GORASP2: variants seen among roughly 807,000 people sequenced by gnomAD.
GORASP2 encodes the protein golgi reassembly stacking protein 2, also known as Golgi reassembly-stacking protein 2.
GORASP2 carries 22 observed loss-of-function variants against 45.7 expected under a neutral mutation model. The observed-to-expected ratio is 0.48, with a 90% CI of 0.34 to 0.69. The LOEUF (loss-of-function observed/expected upper bound fraction) is 0.69, where lower values mean the gene tolerates loss of function less well. GORASP2 is among the 30% of genes least tolerant of loss of function. GORASP2 has a pLI of 0.01. For missense variants in GORASP2, 491 were observed against 562.7 expected (o/e 0.87, Z 1.29); for synonymous variants, 221 against 215.6 (o/e 1.02, Z -0.22).
At chr2:170,942,567 C>G (rs1053361166) in intron 1 of GORASP2, among the ~76,000 whole-genome samples, 17 of 152,266 alleles carry the variant, frequency 1.1e-4, no homozygotes, top group South Asian at 6.2e-4. Flanking sequence ...TTCATCCTTT[C>G]TTATGGGTAT....
intron 1 of GORASP2, among the ~76,000 whole-genome samples, chr2:170,940,995 A>G (rs1338067297): frequency 6.6e-6 from 1 of 152,174 alleles, no homozygotes; most frequent in Non-Finnish European, 1.5e-5. Context: ...ATTTCTTTTT[A>G]TGTAATAGAG....
chr2:170,951,193 T>C, intron 4 of GORASP2, 135 bp from the exon 5 acceptor site: 1 of 625,738 alleles, frequency 1.6e-6, no homozygotes, highest in East Asian at 2.9e-5. Context: ...CTGCTTGTGA[T>C]TTTTATGTCT....
chr2:170,932,417 T>G (rs191195424), intron 1 of GORASP2, among the ~76,000 whole-genome samples: 185 of 152,316 alleles, frequency 1.2e-3, no homozygotes, highest in Non-Finnish European at 2.0e-3. Context: ...TACCATAGAT[T>G]GGTTAAGGAG....
Position 170,929,393 on chromosome 2 carries a change from A to T in GORASP2, c.53A>T (p.His18Leu). 3 of 1,419,086 alleles carry T rather than the reference A, an allele frequency of 2.1e-6. No individual in the cohort carries two copies. Among genetic ancestry groups the T allele is most frequent in the Non-Finnish European group, 2.8e-6 (3 of 1,084,874 alleles). The allele number at this position is 1,419,086 out of a possible 1,614,324, so 87.9% of individuals were successfully genotyped here. Reference sequence around the variant, plus strand: ...CCGGGCGGGGGCACCGAGGGCTACCACGTTCTGCGGGTAAGGGCTCCGACG... The same window carrying T: ...CCGGGCGGGGGCACCGAGGGCTACCTCGTTCTGCGGGTAAGGGCTCCGACG... ...EIPGGGTEGYHVLRVQENSPG... is the reference protein window; with the variant it reads ...EIPGGGTEGYLVLRVQENSPG... The change falls in exon 1 of 10, where the codon CAC becomes CTC. Residue 18 changes from histidine (H) to leucine (L), a missense_variant. Coordinates refer to ENST00000234160, the MANE Select transcript of GORASP2 (RefSeq NM_015530.5).
rs753688935 is a variant in GORASP2 at position 170,950,291 on chromosome 2, G to C, written c.435+1G>C. ...TGGAGCAGATACAGTCATGAATGAG[G>C]TAATTCGTGTGTTTATTCATAGTGA... is the stretch of plus-strand genomic sequence containing the variant. On this transcript the variant is annotated splice_donor_variant, in intron 4 of 9. Transcript: ENST00000234160. LOFTEE classifies it high-confidence loss of function. The C allele has an allele frequency of 6.9e-7, 1 of 1,446,452 alleles. No individual in the cohort carries two copies. The highest frequency in any genetic ancestry group is 9.5e-7 in the Non-Finnish European group (1 of 1,048,558). 89.6% of individuals were successfully genotyped at this position (1,446,452 alleles called of 1,614,324 possible). A position where few individuals can be genotyped will look rare whatever the true frequency, so the allele number is the denominator to read the frequency against.
At chr2:170,963,051 G>A in intron 9 of GORASP2, 105 bp downstream of exon 9, 1 of 730,144 alleles carries the variant, frequency 1.4e-6, no homozygotes, top group East Asian at 2.7e-5. Flanking sequence ...CAGTTTAACA[G>A]ATTTCAGCTA....
At chr2:170,951,256 A>G (rs958551120) in intron 4 of GORASP2, 72 bp from the exon 5 acceptor site, 27 of 1,202,436 alleles carry the variant, frequency 2.2e-5, no homozygotes, top group Middle Eastern at 2.0e-4. Context: ...GGTGATTCTG[A>G]TAGCCAGGTT....
Position 170,929,319 on chromosome 2 carries a change from G to A in GORASP2, c.-22G>A. On this transcript the variant is annotated 5_prime_UTR_variant, in exon 1 of 10. Coordinates refer to ENST00000234160, the MANE Select transcript of GORASP2 (RefSeq NM_015530.5). ...CGGGAGCAGCGCGGAGCCCGGCTCG[G>A]CCACACCGATCGCCCGCCGCCATGG... 7.4e-7 allele frequency: 1 copy of A among 1,356,628 alleles called. No homozygotes were observed. The highest frequency in any genetic ancestry group is 9.5e-7 in the Non-Finnish European group (1 of 1,056,466). The allele number at this position is 1,356,628 out of a possible 1,614,324, so 84.0% of individuals were successfully genotyped here.
chr2:170,950,564 A>C (rs1283548343), intron 4 of GORASP2, among the ~76,000 whole-genome samples: 1 of 152,272 alleles, frequency 6.6e-6, no homozygotes, highest in South Asian at 2.1e-4. Context: ...TCAAATTCTC[A>C]TTTTCAATTG....
chr2:170,953,668 A>G (rs1388998052), intron 5 of GORASP2: 1 of 152,264 alleles, frequency 6.6e-6, no homozygotes, highest in Non-Finnish European at 1.5e-5. Context: ...GGTAAAAACT[A>G]GCTGTCACCA....
rs780797971 is a variant in GORASP2 at position 170,966,103 on chromosome 2, G to A, written c.1332G>A (p.Val444=). 3.1e-6 allele frequency: 5 copies of A among 1,613,644 alleles called. No homozygotes were observed. The highest frequency in any genetic ancestry group is 4.2e-6 in the Non-Finnish European group (5 of 1,179,558). ...PVSEKPVSAA[V]DANASESP ...GCGAGAAGCCTGTTTCTGCGGCTGTGGATGCCAATGCTTCTGAGTCACCTT... is the reference window on the plus strand; with the variant it reads ...GCGAGAAGCCTGTTTCTGCGGCTGTAGATGCCAATGCTTCTGAGTCACCTT... The change falls in exon 10 of 10, where the codon GTG becomes GTA. Residue 444 remains valine, a synonymous_variant. Transcript: ENST00000234160.
intron 1 of GORASP2, among the ~76,000 whole-genome samples, chr2:170,947,549 A>G (rs994006835): frequency 8.5e-5 from 13 of 152,170 alleles, no homozygotes; most frequent in Non-Finnish European, 1.6e-4. Context: ...TTTACATTAT[A>G]GTGATTAGAG....
chr2:170,951,337 C>T lies in GORASP2; in HGVS notation c.445C>T (p.Leu149=). Residue 149 remains leucine, a synonymous_variant, in exon 5 of 10, where the codon CTA becomes TTA. Coordinates refer to ENST00000234160, the MANE Select transcript of GORASP2 (RefSeq NM_015530.5). ...ADTVMNESED[L]FSLIETHEAK... ...TGTGACACTTTTGCAGTCTGAAGAT[C>T]TATTCAGCCTTATCGAAACACATGA... The T allele has an allele frequency of 6.3e-7, 1 of 1,599,346 alleles. No homozygotes were observed. Among genetic ancestry groups the T allele is most frequent in the South Asian group, 1.1e-5 (1 of 88,316 alleles).
chr2:170,955,167 C>T (rs1479950186), intron 6 of GORASP2, among the ~76,000 whole-genome samples: 1 of 151,864 alleles, frequency 6.6e-6, no homozygotes, highest in East Asian at 1.9e-4. Flanking sequence ...TTCAAGAAAT[C>T]GAACACAGTC....
At chr2:170,938,898 C>T (rs1396184494) in intron 1 of GORASP2, among the ~76,000 whole-genome samples, 1 of 152,138 alleles carries the variant, frequency 6.6e-6, no homozygotes, top group South Asian at 2.1e-4. Context: ...GAGGCTGAGG[C>T]AGGAGAATTA....
chr2:170,936,610 T>G (rs1159627632), intron 1 of GORASP2: 1 of 1,293,078 alleles, frequency 7.7e-7, no homozygotes, highest in East Asian at 5.6e-5. Context: ...TGGGGTTTTG[T>G]TCTCTCTTTT....
rs767187404 is a variant in GORASP2 at position 170,954,795 on chromosome 2, TCCTA to T, written c.699+17_699+20del. On this transcript the variant is annotated intron_variant, in intron 6 of 9. Coordinates refer to ENST00000234160, the MANE Select transcript of GORASP2 (RefSeq NM_015530.5). ...TGGGTTTACAGAGGTAAGATCACGT[TCCTA>T]CCTGAGTATATCATAAAGTTTTTAC... is the stretch of plus-strand genomic sequence containing the variant. 6.2e-7 allele frequency: 1 copy of T among 1,604,096 alleles called. No homozygotes were observed. The highest frequency in any genetic ancestry group is 2.2e-5 in the East Asian group (1 of 44,704).
At chr2:170,959,324 G>A (rs1704499101) in intron 7 of GORASP2, among the ~76,000 whole-genome samples, 1 of 152,162 alleles carries the variant, frequency 6.6e-6, no homozygotes. Context: ...GTTTCTCTTC[G>A]ACATTTTAAA....
chr2:170,956,668 T>G, intron 7 of GORASP2, 109 bp downstream of exon 7: 1 of 911,478 alleles, frequency 1.1e-6, no homozygotes, highest in Non-Finnish European at 1.6e-6. Context: ...CCCAGCACTT[T>G]GGGAGGCCAA....
Sources: allele counts gnomAD v4.1 joint callset (sites outside exome capture counted in the v4.1 genomes callset), GRCh38; gene constraint gnomAD v4.1.1; transcripts MANE v1.5; gene names NCBI Gene and HGNC (gene_info 2026-07-23, HGNC 2026-07-21).